The following OPCML variants were observed in gnomAD, a reference collection of about 807,000 sequenced individuals.
The protein encoded by OPCML is opioid binding protein/cell adhesion molecule like, also known as opioid-binding protein/cell adhesion molecule.
Under a neutral mutation model 37.8 loss-of-function variants are expected in OPCML, and 13 were observed. That is an observed-to-expected ratio of 0.34 (90% CI 0.22 to 0.55). The LOEUF is 0.55. Ranked by LOEUF, OPCML falls within the 20% of genes least tolerant of loss-of-function variation. OPCML has a pLI of 0.91. For missense variants in OPCML, 341 were observed against 435.6 expected (o/e 0.78, Z 1.93); for synonymous variants, 176 against 168.8 (o/e 1.04, Z -0.33).
rs541308708 is a variant in OPCML, at chr11:133,479,044, T to C, written c.61+53220A>G. Among the ~76,000 whole-genome samples the C allele has an allele frequency of 5.3e-5, 8 of 152,362 alleles. No homozygotes were observed. The South Asian group carries it at 1.7e-3, about 32-fold the overall frequency. On this transcript the variant is annotated intron_variant, in intron 1 of 7. Transcript: ENST00000524381. ...TTTTGTATCTGTATAATGGAGATGA[T>C]AACAGGACGCACTTTAAAGGATACG... is the stretch of plus-strand genomic sequence containing the variant.
chr11:133,056,688 C>T (rs1253463612), intron 1 of OPCML, among the ~76,000 whole-genome samples: 3 of 152,142 alleles, frequency 2.0e-5, no homozygotes, highest in Non-Finnish European at 4.4e-5. Context: ...TCTGCCAAGC[C>T]CTCAAGCATG....
intron 3 of OPCML, among the ~76,000 whole-genome samples, chr11:132,573,321 C>T (rs193072264): frequency 6.6e-6 from 1 of 151,962 alleles, no homozygotes; most frequent in Admixed American, 6.6e-5. Flanking sequence ...CTGACTTGTT[C>T]CTGAATTTAG....
intron 4 of OPCML, among the ~76,000 whole-genome samples, chr11:132,526,727 T>G (rs1223023828): frequency 1.3e-5 from 2 of 152,312 alleles, no homozygotes; most frequent in East Asian, 3.9e-4. Context: ...TTCGGTATAT[T>G]TATACTTCAA....
At chr11:133,395,855 T>C (rs190742922) in intron 1 of OPCML, among the ~76,000 whole-genome samples, 1 of 152,346 alleles carries the variant, frequency 6.6e-6, no homozygotes, top group East Asian at 1.9e-4. Flanking sequence ...AAGATAGCTT[T>C]GGCTATTCTG....
At chr11:133,064,971 A>G (rs7946990) in intron 1 of OPCML, 10,780 of 152,142 alleles carry the variant, frequency 0.071, 859 homozygotes, top group African/African-American at 0.19. Flanking sequence ...AAATAAAACA[A>G]GGAGGGAGAG....
At chr11:132,808,612 A>G (rs1361658852) in intron 2 of OPCML, among the ~76,000 whole-genome samples, 2 of 152,200 alleles carry the variant, frequency 1.3e-5, no homozygotes. Context: ...TAGTTAGTGT[A>G]AATGAAACAC....
intron 3 of OPCML, among the ~76,000 whole-genome samples, chr11:132,555,168 A>T (rs542400550): frequency 1.3e-5 from 2 of 152,138 alleles, no homozygotes; most frequent in East Asian, 3.9e-4. Flanking sequence ...AGAAACATGC[A>T]TTTTTTTGAT....
chr11:132,865,746 C>A (rs1331322546), intron 2 of OPCML, among the ~76,000 whole-genome samples: 1 of 152,170 alleles, frequency 6.6e-6, no homozygotes, highest in African/African-American at 2.4e-5. Context: ...CGATGCAGCT[C>A]CCAGCCTATA....
chr11:132,773,776 C>T (rs1181429969), intron 2 of OPCML, among the ~76,000 whole-genome samples: 1 of 152,150 alleles, frequency 6.6e-6, no homozygotes, highest in Non-Finnish European at 1.5e-5. Flanking sequence ...TTATCAGCCT[C>T]CTCTGGCTGT....
chr11:132,422,090 T>A (rs914853034), intron 7 of OPCML, among the ~76,000 whole-genome samples: 16 of 152,180 alleles, frequency 1.1e-4, no homozygotes, highest in African/African-American at 3.9e-4. Flanking sequence ...ATATGGCATA[T>A]ATACTAGACT....
intron 1 of OPCML, among the ~76,000 whole-genome samples, chr11:133,231,524 C>A (rs888395799): frequency 6.6e-6 from 1 of 152,122 alleles, no homozygotes; most frequent in Non-Finnish European, 1.5e-5. Flanking sequence ...CTCCTGAGAT[C>A]CCAAGTTGAA....
intron 2 of OPCML, among the ~76,000 whole-genome samples, chr11:132,899,471 G>A (rs1290617478): frequency 6.6e-6 from 1 of 152,098 alleles, no homozygotes; most frequent in African/African-American, 2.4e-5. Flanking sequence ...TTCTAGGGAA[G>A]AGATTAGTGC....
chr11:133,181,278 G>A (rs536819079), intron 1 of OPCML, among the ~76,000 whole-genome samples: 115 of 146,612 alleles, frequency 7.8e-4, no homozygotes, highest in Non-Finnish European at 1.2e-3. Flanking sequence ...AAAACCGGGC[G>A]AACCTGATTA....
chr11:132,818,450 GC>G (rs1328330361), intron 2 of OPCML, among the ~76,000 whole-genome samples: 1 of 151,778 alleles, frequency 6.6e-6, no homozygotes, highest in Non-Finnish European at 1.5e-5. Flanking sequence ...AAGAGGGCAT[GC>G]TGTCAGCACA....
intron 3 of OPCML, among the ~76,000 whole-genome samples, chr11:132,547,348 G>C (rs1305371702): frequency 6.6e-6 from 1 of 152,168 alleles, no homozygotes. Context: ...AAGACAAAGA[G>C]GGTGGGCGAA....
intron 1 of OPCML, among the ~76,000 whole-genome samples, chr11:132,953,432 A>G (rs1382108366): frequency 6.6e-6 from 1 of 152,174 alleles, no homozygotes; most frequent in Admixed American, 6.5e-5. Flanking sequence ...ACTACATTAA[A>G]GCATTTCATT....
chr11:132,709,259 T>TA (rs992904907), intron 2 of OPCML, among the ~76,000 whole-genome samples: 11 of 152,276 alleles, frequency 7.2e-5, no homozygotes, highest in African/African-American at 2.4e-4. Flanking sequence ...TTCTTGTTCT[T>TA]AAAAAAATGC....
intron 2 of OPCML, among the ~76,000 whole-genome samples, chr11:132,675,628 T>A (rs1316641352): frequency 6.6e-6 from 1 of 152,152 alleles, no homozygotes; most frequent in Admixed American, 6.6e-5. Flanking sequence ...AAAAATTAAC[T>A]GTGTTTCTAT....
intron 2 of OPCML, among the ~76,000 whole-genome samples, chr11:132,795,333 A>T (rs1263991418): frequency 6.6e-6 from 1 of 152,170 alleles, no homozygotes; most frequent in African/African-American, 2.4e-5. Context: ...GTTTCTCTTT[A>T]TTGGACTAGC....
Sources: allele counts gnomAD v4.1 joint callset (sites outside exome capture counted in the v4.1 genomes callset), GRCh38; gene constraint gnomAD v4.1.1; transcripts MANE v1.5; gene names NCBI Gene and HGNC (gene_info 2026-07-23, HGNC 2026-07-21).